The following PIBF1 variants were observed in gnomAD, a reference collection of about 807,000 sequenced individuals.
The protein encoded by PIBF1 is progesterone immunomodulatory binding factor 1, also known as progesterone-induced-blocking factor 1.
A neutral mutation model predicts 112.5 loss-of-function variants in PIBF1; 90 were observed. The observed-to-expected ratio is 0.80, with a 90% confidence interval of 0.67 to 0.95. The LOEUF is 0.95. Ranked by LOEUF, PIBF1 falls within the 40% of genes least tolerant of loss-of-function variation. The probability of loss-of-function intolerance (pLI) is 0.00; values close to 1 mark genes in which losing one functional copy is unlikely to be tolerated. For missense variants in PIBF1, 915 were observed against 852.3 expected, an observed-to-expected ratio of 1.07 and a Z score of -0.92; for synonymous variants, 301 against 288.6, an observed-to-expected ratio of 1.04 and a Z score of -0.44.
chr13:72,976,562 A>G (rs1184079129), intron 16 of PIBF1, among the ~76,000 whole-genome samples: 1 of 152,250 alleles, frequency 6.6e-6, no homozygotes, highest in Non-Finnish European at 1.5e-5. Context: ...AAACATCTAA[A>G]GAAAAGCAAC....
chr13:72,865,088 T>TACATA (rs2038867339), intron 10 of PIBF1, among the ~76,000 whole-genome samples: 1 of 152,200 alleles, frequency 6.6e-6, no homozygotes, highest in Non-Finnish European at 1.5e-5. Context: ...ATTTTGTTAC[T>TACATA]ACATAAACCC....
At chr13:72,808,458 TGTGA>T (rs1309973587) in intron 5 of PIBF1, among the ~76,000 whole-genome samples, 3 of 152,190 alleles carry the variant, frequency 2.0e-5, no homozygotes, top group East Asian at 1.9e-4. Flanking sequence ...ATGAGAACAT[TGTGA>T]GTATTATGTT....
intron 16 of PIBF1, among the ~76,000 whole-genome samples, chr13:72,997,481 A>C (rs545185617): frequency 1.3e-5 from 2 of 152,194 alleles, no homozygotes; most frequent in Non-Finnish European, 2.9e-5. Context: ...TGCAGAAAGG[A>C]GAAAGGATTC....
intron 14 of PIBF1, among the ~76,000 whole-genome samples, chr13:72,954,610 A>G (rs1310741626): frequency 6.6e-6 from 1 of 152,148 alleles, no homozygotes; most frequent in Non-Finnish European, 1.5e-5. Context: ...TCCCATACTG[A>G]GTAGGGTTAA....
intron 14 of PIBF1, among the ~76,000 whole-genome samples, chr13:72,931,718 G>GTGTATATATATATATATATATA (rs1555317840): frequency 2.9e-5 from 3 of 101,972 alleles, no homozygotes; most frequent in Admixed American, 1.1e-4. Context: ...TTTAAACTAC[G>GTGTATATATATATATATATATA]TATATATATA....
intron 11 of PIBF1, among the ~76,000 whole-genome samples, chr13:72,895,493 A>G (rs1177887563): frequency 2.0e-5 from 3 of 151,958 alleles, no homozygotes; most frequent in Non-Finnish European, 4.4e-5. Flanking sequence ...ACCATTTCCA[A>G]GAAATGAAAT....
In PIBF1 at chr13:72,821,839, T is replaced by C. The variant is rs1242547173; in HGVS notation, c.673-10T>C. On this transcript the variant is annotated splice_polypyrimidine_tract_variant and intron_variant, in intron 5 of 17. Transcript: ENST00000326291. ...AGTCTGAAATGTGTTATTATTCCTT[T>C]GGTTTATAGACATATGAGGAAGATC... The C allele has an allele frequency of 2.5e-6, 4 of 1,599,068 alleles. No homozygotes were observed. The highest frequency in any genetic ancestry group is 2.3e-5 in the South Asian group (2 of 88,858).
intron 5 of PIBF1, among the ~76,000 whole-genome samples, chr13:72,800,179 G>A (rs561494250): frequency 1.3e-3 from 199 of 152,248 alleles, no homozygotes; most frequent in Non-Finnish European, 1.6e-3. Context: ...GGGCTTACAG[G>A]CATGCGCTAC....
intron 11 of PIBF1, among the ~76,000 whole-genome samples, chr13:72,900,633 A>G (rs2040450287): frequency 6.6e-6 from 1 of 152,230 alleles, no homozygotes. Flanking sequence ...CTAAGACCCA[A>G]AACTATAAAA....
chr13:72,979,194 G>T (rs972103932), intron 16 of PIBF1, among the ~76,000 whole-genome samples: 1 of 152,112 alleles, frequency 6.6e-6, no homozygotes, highest in African/African-American at 2.4e-5. Context: ...CTGTCTTTTA[G>T]AAAAAGAGAA....
intron 6 of PIBF1, among the ~76,000 whole-genome samples, chr13:72,823,751 C>CT (rs910444191): frequency 3.9e-5 from 6 of 151,954 alleles, no homozygotes; most frequent in South Asian, 2.1e-4. Context: ...GAATGTATCA[C>CT]TTTTTTTTAC....
At chr13:72,945,850 G>A (rs2042135708) in intron 14 of PIBF1, among the ~76,000 whole-genome samples, 1 of 152,090 alleles carries the variant, frequency 6.6e-6, no homozygotes, top group Non-Finnish European at 1.5e-5. Context: ...TAACAAAAAT[G>A]ATTATACGAA....
chr13:72,978,135 G>T (rs1048717752), intron 16 of PIBF1, among the ~76,000 whole-genome samples: 12 of 152,120 alleles, frequency 7.9e-5, no homozygotes, highest in Admixed American at 6.6e-4. Flanking sequence ...AGCAGAGGGG[G>T]AAAGGGCAAA....
chr13:72,951,815 C>G (rs1373474019), intron 14 of PIBF1, among the ~76,000 whole-genome samples: 1 of 152,156 alleles, frequency 6.6e-6, no homozygotes, highest in Non-Finnish European at 1.5e-5. Flanking sequence ...AATTCTCATG[C>G]ATCAGCCTTC....
chr13:73,002,075 G>A (rs1301883277), intron 17 of PIBF1, among the ~76,000 whole-genome samples: 2 of 152,140 alleles, frequency 1.3e-5, no homozygotes, highest in African/African-American at 2.4e-5. Flanking sequence ...CAGGCACTTA[G>A]TGTACCAACA....
intron 11 of PIBF1, among the ~76,000 whole-genome samples, chr13:72,905,822 T>A (rs1159511167): frequency 6.6e-6 from 1 of 152,192 alleles, no homozygotes; most frequent in Non-Finnish European, 1.5e-5. Context: ...TTAAAGGTCA[T>A]ATATGGAAAA....
intron 5 of PIBF1, among the ~76,000 whole-genome samples, chr13:72,804,303 T>A (rs1193568322): frequency 6.6e-6 from 1 of 152,134 alleles, no homozygotes; most frequent in Non-Finnish European, 1.5e-5. Context: ...TATGTATAAT[T>A]TATATGTATA....
chr13:72,982,853 C>T (rs1355374594), intron 16 of PIBF1, among the ~76,000 whole-genome samples: 1 of 152,160 alleles, frequency 6.6e-6, no homozygotes, highest in Admixed American at 6.6e-5. Flanking sequence ...ATTTTACTTA[C>T]ATACTACTTT....
At chr13:72,808,819 C>T (rs2035865012) in intron 5 of PIBF1, among the ~76,000 whole-genome samples, 1 of 152,166 alleles carries the variant, frequency 6.6e-6, no homozygotes, top group African/African-American at 2.4e-5. Flanking sequence ...GGACTGGCCT[C>T]AGGCTAAGGG....
Sources: gnomAD v4.1 joint callset for allele counts (sites outside exome capture counted in the v4.1 genomes callset) on GRCh38, gnomAD v4.1.1 for gene constraint, MANE v1.5 for transcripts, NCBI Gene and HGNC (gene_info 2026-07-23, HGNC 2026-07-21) for gene names.